Variants in NAV2 observed in about 807,000 individuals in gnomAD.
NAV2 encodes neuron navigator 2.
NAV2 carries 54 observed loss-of-function variants against 223.2 expected under a neutral mutation model. The ratio of observed to expected loss-of-function variants is 0.24; its 90% CI spans 0.19 to 0.30. The LOEUF (loss-of-function observed/expected upper bound fraction) is 0.30, where lower values mean the gene tolerates loss of function less well. Among genes scored for constraint, NAV2 ranks in the 10% least tolerant of loss-of-function variants. The pLI, the probability that NAV2 is intolerant of heterozygous loss-of-function variation, is 1.00. For synonymous variants in NAV2, 1,279 were observed against 1,239.3 expected (o/e 1.03, Z -0.67); for missense variants, 2,806 against 3,147.5 (o/e 0.89, Z 2.60).
At chr11:19,721,144 T>G (rs1414636601) in intron 1 of NAV2, among the ~76,000 whole-genome samples, 1 of 152,218 alleles carries the variant, frequency 6.6e-6, no homozygotes, top group African/African-American at 2.4e-5. Context: ...ATAGCAAGTG[T>G]GAAAGCACTT....
Position 19,370,782 on chromosome 11 carries a change from G to T in NAV2, c.75+19755G>T, listed in dbSNP as rs1037386654. 2.0e-5 allele frequency among the ~76,000 whole-genome samples: 3 copies of T among 152,170 alleles called. No individual in the cohort carries two copies. In the South Asian group the frequency reaches 6.2e-4, roughly 32 times the overall value. On this transcript the variant is annotated intron_variant, in intron 1 of 37. Transcript: ENST00000360655. ...TACATCATTTGCAGTTGCTTTGAGG[G>T]CCAGCTTTGTTGACAGCTAATGCTA...
intron 1 of NAV2, among the ~76,000 whole-genome samples, chr11:19,432,968 A>G (rs1468541125): frequency 6.6e-6 from 1 of 152,184 alleles, no homozygotes; most frequent in Non-Finnish European, 1.5e-5. Flanking sequence ...TGTTAACCCC[A>G]TTCCTTTCCA....
At chr11:19,626,659 A>G (rs745984905) in intron 1 of NAV2, among the ~76,000 whole-genome samples, 17 of 152,100 alleles carry the variant, frequency 1.1e-4, no homozygotes, top group Non-Finnish European at 2.2e-4. Flanking sequence ...CTGATCCATG[A>G]GTATGGGATG....
chr11:19,807,084 G>T (rs1304745432), intron 1 of NAV2, among the ~76,000 whole-genome samples: 1 of 152,238 alleles, frequency 6.6e-6, no homozygotes, highest in Non-Finnish European at 1.5e-5. Context: ...AGCATGTGGG[G>T]CAAATGTGAT....
chr11:19,379,576 C>T (rs562880447), intron 1 of NAV2, among the ~76,000 whole-genome samples: 4 of 152,238 alleles, frequency 2.6e-5, no homozygotes, highest in Admixed American at 6.5e-5. Flanking sequence ...GAGAAAGTGA[C>T]AGCCTCCTTA....
At chr11:19,523,760 C>T (rs1258852611) in intron 1 of NAV2, among the ~76,000 whole-genome samples, 1 of 152,134 alleles carries the variant, frequency 6.6e-6, no homozygotes, top group African/African-American at 2.4e-5. Context: ...CCATCTGCAC[C>T]CCACCTTCTT....
At chr11:19,482,488 G>T (rs114001077) in intron 1 of NAV2, among the ~76,000 whole-genome samples, 111 of 152,320 alleles carry the variant, frequency 7.3e-4, no homozygotes, top group Middle Eastern at 6.8e-3. Flanking sequence ...TCAAGCCGGG[G>T]CTGACTCAAT....
intron 4 of NAV2, among the ~76,000 whole-genome samples, chr11:19,877,470 C>CT (rs1289323253): frequency 0.04 from 3,279 of 82,600 alleles, 196 homozygotes; most frequent in Middle Eastern, 0.065. Context: ...TATCTTCATT[C>CT]TTTTTTTTTT....
Position 20,114,756 on chromosome 11 carries a change from C to A in NAV2, c.7125C>A (p.Ser2375Arg), listed in dbSNP as rs2062912984. 6.2e-7 allele frequency: 1 copy of A among 1,613,974 alleles called. No homozygotes were observed. The highest frequency in any genetic ancestry group is 8.5e-7 in the Non-Finnish European group (1 of 1,179,976). ...CCATGCCTCGGGAGGGATCGACAAG[C>A]AAGCAGATGCCCCCCAGTGATGCTG... Reference protein sequence around the residue: ...GYSMPREGSTSKQMPPSDAEG... With the variant: ...GYSMPREGSTRKQMPPSDAEG... Residue 2375 changes from serine (S) to arginine (R), a missense_variant, in exon 37 of 38, where the codon AGC becomes AGA. By Grantham distance (110) the Ser-to-Arg change is moderately radical. This residue lies in a region of NAV2 where 824 missense variants were observed against 1,069.4 expected (regional missense o/e 0.77). Coordinates refer to ENST00000349880, the MANE Select transcript of NAV2 (RefSeq NM_145117.5).
At chr11:19,880,846 G>A (rs1272355143) in intron 5 of NAV2, among the ~76,000 whole-genome samples, 2 of 151,946 alleles carry the variant, frequency 1.3e-5, no homozygotes, top group African/African-American at 2.4e-5. Context: ...TGTCTTAATG[G>A]TAGAAAAAAA....
intron 3 of NAV2, among the ~76,000 whole-genome samples, chr11:19,868,290 C>T (rs1007239703): frequency 2.2e-4 from 33 of 152,150 alleles, no homozygotes; most frequent in African/African-American, 7.5e-4. Context: ...TTGGGAATGA[C>T]CTAATTGTTC....
intron 1 of NAV2, among the ~76,000 whole-genome samples, chr11:19,614,400 C>A (rs928648200): frequency 1.3e-5 from 2 of 152,062 alleles, no homozygotes; most frequent in African/African-American, 4.8e-5. Flanking sequence ...CTCCCTTTCT[C>A]TCTCTCTCTC....
At chr11:19,653,397 T>C (rs1340988930) in intron 1 of NAV2, among the ~76,000 whole-genome samples, 1 of 152,216 alleles carries the variant, frequency 6.6e-6, no homozygotes, top group South Asian at 2.1e-4. Context: ...GGAAGAGAAC[T>C]AACATTTATT....
chr11:19,564,866 G>T (rs1459742360), intron 1 of NAV2, among the ~76,000 whole-genome samples: 2 of 152,256 alleles, frequency 1.3e-5, no homozygotes, highest in Non-Finnish European at 2.9e-5. Flanking sequence ...CGGGCGTGGT[G>T]GCTCACGCCT....
At chr11:19,607,091 CG>C (rs1191690220) in intron 1 of NAV2, among the ~76,000 whole-genome samples, 2 of 152,196 alleles carry the variant, frequency 1.3e-5, no homozygotes, top group African/African-American at 4.8e-5. Context: ...CAGAGCAGGC[CG>C]GTAACCACAC....
chr11:19,541,816 C>T (rs1042047054), intron 1 of NAV2, among the ~76,000 whole-genome samples: 1 of 152,168 alleles, frequency 6.6e-6, no homozygotes, highest in African/African-American at 2.4e-5. Context: ...AGCCCTGGGC[C>T]ACCTGGTGTC....
At chr11:20,036,530 C>T (rs1454396861) in intron 12 of NAV2, among the ~76,000 whole-genome samples, 1 of 152,142 alleles carries the variant, frequency 6.6e-6, no homozygotes, top group Non-Finnish European at 1.5e-5. Context: ...AGATTGAGAA[C>T]CCTGGACCGG....
At chr11:19,746,584 G>GA (rs2053369953) in intron 1 of NAV2, among the ~76,000 whole-genome samples, 1 of 152,154 alleles carries the variant, frequency 6.6e-6, no homozygotes, top group African/African-American at 2.4e-5. Context: ...AAGGTGGATT[G>GA]AATAAGTAGT....
chr11:19,781,759 CTTT>C (rs5790090), intron 1 of NAV2, among the ~76,000 whole-genome samples: 1 of 148,100 alleles, frequency 6.8e-6, no homozygotes, highest in Non-Finnish European at 1.5e-5. Flanking sequence ...GCTCCTTTAG[CTTT>C]TTTTTTTTTA....
Sources: gnomAD v4.1 joint callset for allele counts (sites outside exome capture counted in the v4.1 genomes callset) on GRCh38, gnomAD v4.1.1 for gene constraint, gnomAD v4.1.1 regional missense constraint, MANE v1.5 for transcripts, NCBI Gene and HGNC (gene_info 2026-07-23, HGNC 2026-07-21) for gene names.